The following LRRK1 variants were observed in gnomAD, a reference collection of about 807,000 sequenced individuals.
LRRK1 encodes leucine-rich repeat serine/threonine-protein kinase 1.
In LRRK1, 113 loss-of-function variants were observed where a neutral mutation model predicts 209.1. The observed-to-expected ratio is 0.54, with a 90% CI of 0.46 to 0.63. LRRK1 has a LOEUF of 0.63. Among genes scored for constraint, LRRK1 ranks in the 30% least tolerant of loss-of-function variants. The pLI is 0.00. For missense variants in LRRK1, 2,284 were observed against 2,632.2 expected, an observed-to-expected ratio of 0.87 and a Z score of 2.89; for synonymous variants, 1,144 against 1,099.7, an observed-to-expected ratio of 1.04 and a Z score of -0.80.
chr15:101,054,250 C>T (rs536410081), intron 26 of LRRK1, among the ~76,000 whole-genome samples: 4 of 152,292 alleles, frequency 2.6e-5, no homozygotes, highest in African/African-American at 4.8e-5. Context: ...CTGGAATCAC[C>T]GGCATGAGCC....
intron 5 of LRRK1, 28 bp downstream of exon 5, chr15:100,988,841 C>T: frequency 1.3e-6 from 2 of 1,552,948 alleles, no homozygotes; most frequent in Non-Finnish European, 8.7e-7. Context: ...CCTGAGTCAA[C>T]CCTGACCGTG....
intron 12 of LRRK1, among the ~76,000 whole-genome samples, chr15:101,019,147 G>C (rs2033669979): frequency 1.3e-5 from 2 of 152,190 alleles, no homozygotes. Context: ...TGGGCCAGGA[G>C]GTCTGTTACA....
At chr15:100,953,254 G>A (rs1003255771) in intron 2 of LRRK1, among the ~76,000 whole-genome samples, 3 of 152,062 alleles carry the variant, frequency 2.0e-5, no homozygotes, top group Non-Finnish European at 4.4e-5. Context: ...ATAACTAAAA[G>A]TTTGTACCCT....
At chr15:101,046,724 C>T (rs1386375536) in intron 21 of LRRK1, among the ~76,000 whole-genome samples, 4 of 152,168 alleles carry the variant, frequency 2.6e-5, no homozygotes, top group Admixed American at 6.5e-5. Context: ...GGCTCCCAGG[C>T]GAGTCCCCTG....
chr15:101,068,714 T>C lies in LRRK1; in HGVS notation c.5914T>C (p.Cys1972Arg). ...CGTGGTGGCAAAGGACACTGTTGTGTGCACCTTTGAAAATGAAAACACAGA... is the reference window on the plus strand; with the variant it reads ...CGTGGTGGCAAAGGACACTGTTGTGCGCACCTTTGAAAATGAAAACACAGA... ...AAVVAKDTVV[C>R]TFENENTEWC... is the part of the protein sequence containing the mutation. The change falls in exon 34 of 34, where the codon TGC becomes CGC. Residue 1972 changes from cysteine to arginine, a missense_variant. Cys to Arg is a radical substitution (Grantham distance 180). Transcript: ENST00000388948. The C allele has an allele frequency of 1.2e-6, 2 of 1,613,076 alleles. No homozygotes were observed. Among genetic ancestry groups the C allele is most frequent in the Non-Finnish European group, 1.7e-6 (2 of 1,179,384 alleles).
At position 101,062,672 on chromosome 15, in the gene LRRK1, C is replaced by A. The variant is rs747424097; in HGVS notation, c.4896C>A (p.Ala1632=). Residue 1632 remains alanine, a synonymous_variant, in exon 31 of 34, where the codon GCC becomes GCA. Coordinates refer to ENST00000388948, the MANE Select transcript of LRRK1 (RefSeq NM_024652.6). ...CAGCTGTCGTCACCTGCTTCTTGGCCGTGCCTGTTATTAAAAAGGTGAGGT... is the reference window on the plus strand; with the variant it reads ...CAGCTGTCGTCACCTGCTTCTTGGCAGTGCCTGTTATTAAAAAGGTGAGGT... ...DTPAVVTCFL[A]VPVIKKNSYL... The A allele has an allele frequency of 9.3e-6, 15 of 1,613,582 alleles. No homozygotes were observed. Among genetic ancestry groups the A allele is most frequent in the Non-Finnish European group, 1.2e-5 (14 of 1,179,440 alleles).
At chr15:100,961,378 G>A (rs2029928613) in intron 2 of LRRK1, among the ~76,000 whole-genome samples, 1 of 152,166 alleles carries the variant, frequency 6.6e-6, no homozygotes, top group South Asian at 2.1e-4. Context: ...TTGGTGGCTG[G>A]GCGCGGTGGC....
chr15:100,959,287 G>T (rs1390714687), intron 2 of LRRK1, among the ~76,000 whole-genome samples: 1 of 152,202 alleles, frequency 6.6e-6, no homozygotes, highest in African/African-American at 2.4e-5. Context: ...ATACAGTCTA[G>T]ATAGGCACCC....
chr15:100,979,452 C>T (rs1204368795), intron 3 of LRRK1, among the ~76,000 whole-genome samples: 1 of 151,790 alleles, frequency 6.6e-6, no homozygotes, highest in East Asian at 1.9e-4. Flanking sequence ...TGCAAGAAGG[C>T]AAGGAAATGA....
chr15:101,064,961 C>G (rs529362622), intron 31 of LRRK1: 2 of 248,496 alleles, frequency 8.0e-6, no homozygotes, highest in African/African-American at 4.5e-5. Flanking sequence ...GAGAAAAGGG[C>G]GGGGGCACCA....
At chr15:100,931,634 T>C (rs1477871505) in intron 2 of LRRK1, among the ~76,000 whole-genome samples, 2 of 152,130 alleles carry the variant, frequency 1.3e-5, no homozygotes, top group Non-Finnish European at 2.9e-5. Context: ...CTCGATCTGC[T>C]GGTGGGGCTG....
At chr15:100,928,469 C>G (rs2042152095) in intron 2 of LRRK1, among the ~76,000 whole-genome samples, 1 of 152,230 alleles carries the variant, frequency 6.6e-6, no homozygotes, top group Non-Finnish European at 1.5e-5. Context: ...GAACACTGTT[C>G]AGGCCTAATT....
intron 2 of LRRK1, among the ~76,000 whole-genome samples, chr15:100,929,166 G>A (rs2042165405): frequency 1.3e-5 from 2 of 152,216 alleles, no homozygotes. Flanking sequence ...CTGGAAAGTA[G>A]AGAAGTCAGG....
chr15:100,976,447 C>A (rs985837610), intron 3 of LRRK1, among the ~76,000 whole-genome samples: 1 of 152,096 alleles, frequency 6.6e-6, no homozygotes, highest in African/African-American at 2.4e-5. Flanking sequence ...TTCGTTAATG[C>A]GTATAGAAAG....
intron 21 of LRRK1, among the ~76,000 whole-genome samples, chr15:101,046,667 T>C (rs908057600): frequency 4.6e-5 from 7 of 152,206 alleles, no homozygotes; most frequent in African/African-American, 1.4e-4. Flanking sequence ...TCAGGGTCTT[T>C]GAGTGTGGCA....
intron 19 of LRRK1, among the ~76,000 whole-genome samples, chr15:101,028,409 G>A (rs534601854): frequency 1.4e-4 from 21 of 152,302 alleles, no homozygotes; most frequent in African/African-American, 3.6e-4. Context: ...GCCTTCTCAC[G>A]CTTAGGGAAC....
chr15:101,067,472 A>G (rs1596364795), intron 33 of LRRK1: 2 of 305,716 alleles, frequency 6.5e-6, no homozygotes, highest in African/African-American at 2.3e-5. Flanking sequence ...TGTACTTTGG[A>G]GCTCTTCCAT....
chr15:101,038,716 A>C (rs970667165), intron 20 of LRRK1, among the ~76,000 whole-genome samples: 1 of 152,098 alleles, frequency 6.6e-6, no homozygotes, highest in African/African-American at 2.4e-5. Flanking sequence ...GATCTATTCA[A>C]CGTGTGATTA....
intron 2 of LRRK1, among the ~76,000 whole-genome samples, chr15:100,956,455 C>CTTTTTT (rs776326423): frequency 1.3e-4 from 8 of 60,508 alleles, no homozygotes; most frequent in African/African-American, 3.4e-4. Flanking sequence ...TTTTTTTTTT[C>CTTTTTT]TTTTTTTTTT....
Sources: allele counts gnomAD v4.1 joint callset (sites outside exome capture counted in the v4.1 genomes callset), GRCh38; gene constraint gnomAD v4.1.1; transcripts MANE v1.5; gene names NCBI Gene and HGNC (gene_info 2026-07-23, HGNC 2026-07-21).